Variants in GALNT11 observed in about 807,000 individuals in gnomAD.
The protein encoded by GALNT11 is polypeptide N-acetylgalactosaminyltransferase 11.
In GALNT11, 47 loss-of-function variants were observed where a neutral mutation model predicts 72.7. That is an observed-to-expected ratio of 0.65 (90% CI 0.51 to 0.82). The LOEUF (loss-of-function observed/expected upper bound fraction) is 0.82, where lower values mean the gene tolerates loss of function less well. Among genes scored for constraint, GALNT11 ranks in the 40% least tolerant of loss-of-function variants. GALNT11 has a pLI of 0.00. For missense variants in GALNT11, 677 were observed against 778.4 expected, an observed-to-expected ratio of 0.87 and a Z score of 1.55; for synonymous variants, 270 against 286.6, an observed-to-expected ratio of 0.94 and a Z score of 0.58.
chr7:152,119,023 G>T, intron 10 of GALNT11: 2 of 330,320 alleles, frequency 6.1e-6, no homozygotes, highest in Non-Finnish European at 1.1e-5. Context: ...CAGCATAAAT[G>T]GGTTAAAAGG....
At chr7:152,115,823 G>A (rs950577463) in intron 8 of GALNT11, among the ~76,000 whole-genome samples, 3 of 152,178 alleles carry the variant, frequency 2.0e-5, no homozygotes, top group Non-Finnish European at 4.4e-5. Context: ...TTGCGAGGCC[G>A]AGGCAGGAGG....
rs186351298 is a variant in GALNT11 at position 152,051,476 on chromosome 7, C to T, written c.-39+25592C>T. On this transcript the variant is annotated intron_variant, in intron 1 of 11. Transcript: ENST00000430044. ...ATATGCTCGTGATGGACTAGTTTTG[C>T]TTATTTTTAGCATCAAGGAAGATTT... 4.5e-4 allele frequency among the ~76,000 whole-genome samples: 69 copies of T among 152,080 alleles called. 1 individual carries two copies. The highest frequency in any genetic ancestry group is 4.1e-3 in the Admixed American group (62 of 15,266).
intron 1 of GALNT11, among the ~76,000 whole-genome samples, chr7:152,064,487 C>T (rs1029380442): frequency 2.0e-5 from 3 of 152,110 alleles, no homozygotes; most frequent in African/African-American, 7.2e-5. Context: ...TGTATTTGAT[C>T]CTGTCATTAT....
At position 152,056,750 on chromosome 7, in the gene GALNT11, A is replaced by G. The variant is rs192002203; in HGVS notation, c.-39+30866A>G. ...CTCAACTAAATCATGTGGACACATTATAACCTCTAGAAACCAATATGCATA... is the reference window on the plus strand; with the variant it reads ...CTCAACTAAATCATGTGGACACATTGTAACCTCTAGAAACCAATATGCATA... On this transcript the variant is annotated intron_variant, in intron 1 of 11. Transcript: ENST00000430044. Among the ~76,000 whole-genome samples the G allele has an allele frequency of 5.3e-5, 8 of 152,314 alleles. No homozygotes were observed. In the East Asian group the frequency reaches 1.2e-3, roughly 22 times the overall value.
Position 152,118,612 on chromosome 7 carries a change from A to G in GALNT11, c.1453-66A>G, listed in dbSNP as rs2089118093. 8.4e-6 allele frequency: 12 copies of G among 1,424,876 alleles called. No homozygotes were observed. In the South Asian group the frequency reaches 1.4e-4, roughly 17 times the overall value. The allele number at this position is 1,424,876 out of a possible 1,614,324, so 88.3% of individuals were successfully genotyped here. On this transcript the variant is annotated intron_variant, in intron 9 of 11. Coordinates refer to ENST00000430044, the MANE Select transcript of GALNT11 (RefSeq NM_022087.4). ...AACCTTTCACATTTTGCCTGGAACCACCTCCAGGCTTGGGAGGCGTCTCTG... is the reference window on the plus strand; with the variant it reads ...AACCTTTCACATTTTGCCTGGAACCGCCTCCAGGCTTGGGAGGCGTCTCTG...
chr7:152,033,206 C>T (rs150707621), intron 1 of GALNT11, among the ~76,000 whole-genome samples: 9 of 152,218 alleles, frequency 5.9e-5, no homozygotes, highest in African/African-American at 1.4e-4. Context: ...CTCGGCATAG[C>T]GGACATGGAT....
At chr7:152,063,584 C>G (rs1297489241) in intron 1 of GALNT11, among the ~76,000 whole-genome samples, 1 of 152,132 alleles carries the variant, frequency 6.6e-6, no homozygotes, top group African/African-American at 2.4e-5. Flanking sequence ...TTCCTGCTTT[C>G]TTTTGTGGGC....
At chr7:152,081,416 AT>A (rs1197272805) in intron 1 of GALNT11, among the ~76,000 whole-genome samples, 1 of 152,170 alleles carries the variant, frequency 6.6e-6, no homozygotes, top group African/African-American at 2.4e-5. Flanking sequence ...CGGAATGTAA[AT>A]TGGGTGAGCT....
intron 1 of GALNT11, among the ~76,000 whole-genome samples, chr7:152,072,662 C>T (rs530656013): frequency 9.8e-5 from 15 of 152,334 alleles, no homozygotes; most frequent in African/African-American, 3.1e-4. Context: ...TAAATCCTTT[C>T]GTAAGTAACT....
rs548527543 is a variant in GALNT11 at position 152,051,905 on chromosome 7, G to A, written c.-39+26021G>A. 6.6e-5 allele frequency among the ~76,000 whole-genome samples: 10 copies of A among 152,238 alleles called. No individual in the cohort carries two copies. In the South Asian group the frequency reaches 1.9e-3, roughly 28 times the overall value. Reference sequence around the variant, plus strand: ...TTTGTTGTGGTAAAATATACATAATGTAAAATTTATCATTTTAACTATTTT... The same window carrying A: ...TTTGTTGTGGTAAAATATACATAATATAAAATTTATCATTTTAACTATTTT... On this transcript the variant is annotated intron_variant, in intron 1 of 11. Transcript: ENST00000430044.
intron 1 of GALNT11, among the ~76,000 whole-genome samples, chr7:152,041,771 A>C (rs1482221495): frequency 6.6e-6 from 1 of 152,248 alleles, no homozygotes; most frequent in African/African-American, 2.4e-5. Context: ...AGAGCAGGTC[A>C]TATCCAATTA....
chr7:152,033,446 G>C (rs926957184), intron 1 of GALNT11, among the ~76,000 whole-genome samples: 5 of 152,160 alleles, frequency 3.3e-5, no homozygotes, highest in Admixed American at 6.5e-5. Flanking sequence ...AAGGTTGCCA[G>C]GTTTAATAAT....
At chr7:152,058,467 G>A (rs1271419412) in intron 1 of GALNT11, among the ~76,000 whole-genome samples, 1 of 152,080 alleles carries the variant, frequency 6.6e-6, no homozygotes, top group African/African-American at 2.4e-5. Flanking sequence ...CCGAGTAGCT[G>A]GGACTACAGG....
chr7:152,094,175 ATTC>A lies in GALNT11; in HGVS notation c.-38-9_-38-7del. ...GTATACTGAAGTGTCTAACATATTT[ATTC>A]TTCTTTTTTAGGAAATTGACAATGG... On this transcript the variant is annotated splice_polypyrimidine_tract_variant and intron_variant, in intron 1 of 11. Coordinates refer to ENST00000430044, the MANE Select transcript of GALNT11 (RefSeq NM_022087.4). This position sits in a 1 kb window ranked among gnomAD's most constrained non-coding sequence, Gnocchi z 4.3. 4.6e-6 allele frequency: 7 copies of A among 1,522,494 alleles called. No individual in the cohort carries two copies. The South Asian group carries it at 7.9e-5, about 17-fold the overall frequency. 94.3% of individuals were successfully genotyped at this position (1,522,494 alleles called of 1,614,324 possible). A position where few individuals can be genotyped will look rare whatever the true frequency, so the allele number is the denominator to read the frequency against.
intron 1 of GALNT11, among the ~76,000 whole-genome samples, chr7:152,043,105 A>G (rs943172521): frequency 5.3e-5 from 8 of 152,032 alleles, no homozygotes; most frequent in African/African-American, 1.9e-4. Flanking sequence ...CCCCATTTCC[A>G]CATACGGCAC....
intron 7 of GALNT11, among the ~76,000 whole-genome samples, chr7:152,112,621 GCTT>G (rs894837961): frequency 2.6e-5 from 4 of 151,524 alleles, no homozygotes; most frequent in African/African-American, 7.2e-5. Flanking sequence ...ATTTTATTAT[GCTT>G]CTTATTTAAT....
At chr7:152,043,289 A>G (rs1477464478) in intron 1 of GALNT11, among the ~76,000 whole-genome samples, 1 of 152,198 alleles carries the variant, frequency 6.6e-6, no homozygotes, top group African/African-American at 2.4e-5. Flanking sequence ...CCCGCTGGCA[A>G]GGGTCCACCG....
chr7:152,115,706 T>A (rs947021747), intron 8 of GALNT11, among the ~76,000 whole-genome samples: 1 of 152,234 alleles, frequency 6.6e-6, no homozygotes, highest in East Asian at 1.9e-4. Flanking sequence ...AAGTGAAAAT[T>A]AGAATTTTGA....
At chr7:152,047,951 C>T (rs760703260) in intron 1 of GALNT11, among the ~76,000 whole-genome samples, 5 of 151,890 alleles carry the variant, frequency 3.3e-5, no homozygotes, top group East Asian at 1.9e-4. Flanking sequence ...ACCACAATGA[C>T]GGTACTCTAA....
Sources: allele counts gnomAD v4.1 joint callset (sites outside exome capture counted in the v4.1 genomes callset), GRCh38; gene constraint gnomAD v4.1.1; non-coding constraint Gnocchi (gnomAD v3.1); transcripts MANE v1.5; gene names NCBI Gene and HGNC (gene_info 2026-07-23, HGNC 2026-07-21).